SGCZ: variants seen among roughly 807,000 people sequenced by gnomAD.
SGCZ encodes the protein zeta-sarcoglycan.
A neutral mutation model predicts 41.3 loss-of-function variants in SGCZ; 40 were observed. The observed-to-expected ratio is 0.97, with a 90% CI of 0.75 to 1.26. The LOEUF is 1.26. Ranked by LOEUF, SGCZ falls within the 50% of genes most tolerant of loss-of-function variation. The pLI is 0.00. For synonymous variants in SGCZ, 206 were observed against 137.5 expected (o/e 1.50, Z -3.49); for missense variants, 552 against 369.8 (o/e 1.49, Z -4.04).
chr8:14,905,485 A>T (rs931402669), intron 1 of SGCZ, among the ~76,000 whole-genome samples: 28 of 152,078 alleles, frequency 1.8e-4, no homozygotes, highest in African/African-American at 6.5e-4. Context: ...TGGAATTGAA[A>T]CTTGGAGAGC....
chr8:14,489,952 C>T (rs952449157), intron 2 of SGCZ, among the ~76,000 whole-genome samples: 1 of 151,272 alleles, frequency 6.6e-6, no homozygotes, highest in Non-Finnish European at 1.5e-5. Context: ...ACTGCAACCT[C>T]CGCCTCCCAG....
intron 1 of SGCZ, among the ~76,000 whole-genome samples, chr8:14,798,415 A>T (rs1327271550): frequency 6.6e-6 from 1 of 152,198 alleles, no homozygotes; most frequent in East Asian, 1.9e-4. Context: ...TATAGATGCC[A>T]TTCTCTGGAA....
At chr8:14,953,980 A>T (rs1585408926) in intron 1 of SGCZ, among the ~76,000 whole-genome samples, 2 of 152,338 alleles carry the variant, frequency 1.3e-5, no homozygotes, top group South Asian at 2.1e-4. Context: ...TTAGTTAAGT[A>T]AACTCTTTAC....
chr8:14,729,266 A>G (rs1318865184), intron 1 of SGCZ, among the ~76,000 whole-genome samples: 1 of 152,006 alleles, frequency 6.6e-6, no homozygotes, highest in Non-Finnish European at 1.5e-5. Context: ...CTGCCCACCA[A>G]AGCCTTGGCT....
At chr8:14,274,900 C>A (rs530028634) in intron 3 of SGCZ, among the ~76,000 whole-genome samples, 1 of 152,090 alleles carries the variant, frequency 6.6e-6, no homozygotes, top group East Asian at 1.9e-4. Flanking sequence ...AAAATTGTGA[C>A]CCTACATTCA....
intron 4 of SGCZ, among the ~76,000 whole-genome samples, chr8:14,200,795 A>G (rs1805430422): frequency 6.6e-6 from 1 of 152,174 alleles, no homozygotes; most frequent in Admixed American, 6.5e-5. Context: ...AAATGAATGA[A>G]TTAAAGTTCC....
intron 2 of SGCZ, among the ~76,000 whole-genome samples, chr8:14,538,595 T>C (rs1803365966): frequency 6.6e-6 from 1 of 151,954 alleles, no homozygotes; most frequent in Admixed American, 6.6e-5. Flanking sequence ...TCAGAGCAAA[T>C]GTTAGAAGAA....
At chr8:14,839,119 T>C (rs973325229) in intron 1 of SGCZ, among the ~76,000 whole-genome samples, 4 of 152,184 alleles carry the variant, frequency 2.6e-5, no homozygotes, top group Admixed American at 2.0e-4. Flanking sequence ...AAAAGACTGA[T>C]GTAACACTCC....
chr8:15,093,185 C>T (rs1298702785), intron 1 of SGCZ, among the ~76,000 whole-genome samples: 1 of 152,176 alleles, frequency 6.6e-6, no homozygotes, highest in East Asian at 1.9e-4. Flanking sequence ...TTTTCTCTGA[C>T]ATAGGTGACA....
intron 1 of SGCZ, among the ~76,000 whole-genome samples, chr8:15,191,945 C>T (rs115952911): frequency 7.9e-5 from 12 of 152,138 alleles, no homozygotes; most frequent in African/African-American, 2.7e-4. Context: ...TTATACAACC[C>T]TGGGCCAAAC....
chr8:15,159,750 C>CCG (rs1799454571), intron 1 of SGCZ, among the ~76,000 whole-genome samples: 1 of 51,014 alleles, frequency 2.0e-5, no homozygotes, highest in South Asian at 1.6e-3. Flanking sequence ...ACCCTCCCCC[C>CCG]CACCCCCGCC....
At chr8:14,785,620 G>C (rs1292593643) in intron 1 of SGCZ, among the ~76,000 whole-genome samples, 1 of 152,086 alleles carries the variant, frequency 6.6e-6, no homozygotes, top group Non-Finnish European at 1.5e-5. Flanking sequence ...CCAAAAGCTT[G>C]ACAATGTTCT....
At chr8:14,359,667 A>T (rs1245116835) in intron 2 of SGCZ, among the ~76,000 whole-genome samples, 2 of 152,162 alleles carry the variant, frequency 1.3e-5, no homozygotes, top group East Asian at 3.9e-4. Flanking sequence ...CCCAAGACAC[A>T]GTGACCTCAC....
intron 4 of SGCZ, 69 bp downstream of exon 4, chr8:14,237,523 C>G: frequency 7.0e-7 from 1 of 1,423,880 alleles, no homozygotes; most frequent in Non-Finnish European, 9.8e-7. Context: ...ACAACAAGAA[C>G]CAAAAACCAA....
intron 1 of SGCZ, among the ~76,000 whole-genome samples, chr8:14,945,070 C>T (rs1426264583): frequency 6.9e-6 from 1 of 144,416 alleles, no homozygotes; most frequent in East Asian, 2.0e-4. Flanking sequence ...AGAGAAGCAC[C>T]TTATTCAAGT....
At chr8:14,775,033 A>T (rs944564081) in intron 1 of SGCZ, among the ~76,000 whole-genome samples, 2 of 152,166 alleles carry the variant, frequency 1.3e-5, no homozygotes, top group East Asian at 3.9e-4. Flanking sequence ...CACATAAACA[A>T]ATTATTCACA....
At chr8:14,468,305 C>G (rs1046369876) in intron 2 of SGCZ, among the ~76,000 whole-genome samples, 2 of 151,870 alleles carry the variant, frequency 1.3e-5, no homozygotes, top group Admixed American at 6.6e-5. Flanking sequence ...GAACAAAAAC[C>G]ATATGAAAAT....
intron 1 of SGCZ, among the ~76,000 whole-genome samples, chr8:14,824,026 A>AG (rs1425814160): frequency 2.0e-5 from 3 of 148,748 alleles, no homozygotes; most frequent in East Asian, 2.2e-4. Context: ...TAGAATCTAA[A>AG]GGGAAAAAAA....
At chr8:15,105,353 T>C (rs1205884844) in intron 1 of SGCZ, among the ~76,000 whole-genome samples, 1 of 152,160 alleles carries the variant, frequency 6.6e-6, no homozygotes, top group Admixed American at 6.6e-5. Flanking sequence ...TACATGAGAC[T>C]GGGTAATTCA....
Sources: allele counts gnomAD v4.1 joint callset (sites outside exome capture counted in the v4.1 genomes callset), GRCh38; gene constraint gnomAD v4.1.1; transcripts MANE v1.5; gene names NCBI Gene and HGNC (gene_info 2026-07-23, HGNC 2026-07-21).